GLIS3: variants seen among roughly 807,000 people sequenced by gnomAD.
GLIS3 encodes GLIS family zinc finger 3, also known as zinc finger protein GLIS3.
GLIS3 carries 53 observed loss-of-function variants against 78.6 expected under a neutral mutation model. The ratio of observed to expected loss-of-function variants is 0.67; its 90% CI spans 0.54 to 0.85. GLIS3 has a LOEUF of 0.85. Ranked by LOEUF, GLIS3 falls within the 40% of genes least tolerant of loss-of-function variation. GLIS3 has a pLI of 0.00. For missense variants in GLIS3, 1,703 were observed against 1,231.1 expected, an observed-to-expected ratio of 1.38 and a Z score of -5.74; for synonymous variants, 684 against 509.9, an observed-to-expected ratio of 1.34 and a Z score of -4.60.
At chr9:4,464,188 C>T in the GLIS3 span, among the ~76,000 whole-genome samples, 1 of 151,946 alleles carries the variant, frequency 6.6e-6, no homozygotes, top group African/African-American at 2.4e-5. Context: ...TTTAAAACCT[C>T]TCTAACGTTG....
chr9:4,472,039 A>C, the GLIS3 span, among the ~76,000 whole-genome samples: 13 of 152,380 alleles, frequency 8.5e-5, no homozygotes, highest in African/African-American at 3.1e-4. Context: ...GAGAAATGCA[A>C]ATCAAAACCA....
At chr9:4,328,940 A>G (rs10974470) in intron 2 of GLIS3, among the ~76,000 whole-genome samples, 44,083 of 152,062 alleles carry the variant, frequency 0.29, 7,813 homozygotes, top group African/African-American at 0.51. Flanking sequence ...GTTCCCTAAT[A>G]GTTTCTCATA....
the GLIS3 span, among the ~76,000 whole-genome samples, chr9:4,408,783 A>T: frequency 6.6e-6 from 1 of 151,656 alleles, no homozygotes. Flanking sequence ...ATTTGATGTC[A>T]TAACAGGGGG....
intron 2 of GLIS3, among the ~76,000 whole-genome samples, chr9:4,164,470 C>G (rs1835730473): frequency 6.6e-6 from 1 of 152,170 alleles, no homozygotes; most frequent in Non-Finnish European, 1.5e-5. Context: ...TCCATCCACC[C>G]TCCAGAGAGT....
At chr9:4,440,911 GTTA>G in the GLIS3 span, among the ~76,000 whole-genome samples, 6 of 151,418 alleles carry the variant, frequency 4.0e-5, no homozygotes, top group Non-Finnish European at 8.8e-5. Flanking sequence ...ATTTTTGGTA[GTTA>G]TTATAAATAG....
intron 6 of GLIS3, among the ~76,000 whole-genome samples, chr9:3,900,289 T>A (rs538528587): frequency 6.6e-6 from 1 of 151,964 alleles, no homozygotes; most frequent in African/African-American, 2.4e-5. Context: ...ACTTGCTGAA[T>A]TATCAAAAAC....
intron 4 of GLIS3, among the ~76,000 whole-genome samples, chr9:4,089,765 G>C (rs1829334755): frequency 6.6e-6 from 1 of 152,128 alleles, no homozygotes; most frequent in Non-Finnish European, 1.5e-5. Flanking sequence ...GCTATGGTGA[G>C]CTACGATCAT....
At chr9:4,459,140 T>C in the GLIS3 span, among the ~76,000 whole-genome samples, 1 of 152,190 alleles carries the variant, frequency 6.6e-6, no homozygotes, top group East Asian at 1.9e-4. Flanking sequence ...ACAGGGAGAC[T>C]ATTTAGGAGA....
At chr9:4,021,448 T>C (rs898869713) in intron 4 of GLIS3, among the ~76,000 whole-genome samples, 3 of 152,178 alleles carry the variant, frequency 2.0e-5, no homozygotes, top group African/African-American at 7.2e-5. Flanking sequence ...AGAGACAAGA[T>C]TGTATCCTAT....
At chr9:4,089,366 C>G (rs933211444) in intron 4 of GLIS3, among the ~76,000 whole-genome samples, 1 of 151,550 alleles carries the variant, frequency 6.6e-6, no homozygotes, top group African/African-American at 2.4e-5. Context: ...CCTTTACAAA[C>G]GTTTTAAGAG....
chr9:4,139,921 C>T (rs184978569), intron 2 of GLIS3, among the ~76,000 whole-genome samples: 3 of 152,294 alleles, frequency 2.0e-5, no homozygotes, highest in Admixed American at 2.0e-4. Flanking sequence ...TACAGGTCCA[C>T]GGCCAGGCAG....
the GLIS3 span, among the ~76,000 whole-genome samples, chr9:4,464,550 A>G: frequency 6.6e-6 from 1 of 152,076 alleles, no homozygotes; most frequent in East Asian, 1.9e-4. Flanking sequence ...GCCCACCACA[A>G]CACCAGCATA....
At chr9:4,307,292 T>G (rs1345205658) in intron 4 of GLIS3, among the ~76,000 whole-genome samples, 2 of 152,192 alleles carry the variant, frequency 1.3e-5, no homozygotes, top group Non-Finnish European at 2.9e-5. Context: ...ATGAGATATG[T>G]GATAAACATA....
At chr9:4,140,075 G>A (rs143582599) in intron 2 of GLIS3, among the ~76,000 whole-genome samples, 8 of 152,304 alleles carry the variant, frequency 5.3e-5, no homozygotes, top group African/African-American at 1.7e-4. Flanking sequence ...ATCTTACATA[G>A]TCGTCATAGC....
At chr9:4,260,727 A>G (rs1825443834) in intron 2 of GLIS3, among the ~76,000 whole-genome samples, 1 of 152,094 alleles carries the variant, frequency 6.6e-6, no homozygotes, top group African/African-American at 2.4e-5. Context: ...GCCTGGTGAC[A>G]GAGCAAGACT....
At chr9:4,323,303 G>A (rs1250038437) in intron 2 of GLIS3, among the ~76,000 whole-genome samples, 1 of 152,084 alleles carries the variant, frequency 6.6e-6, no homozygotes, top group African/African-American at 2.4e-5. Context: ...CCAAAGTGCT[G>A]TTTTATCACA....
chr9:3,896,305 C>T (rs926715426), intron 7 of GLIS3, among the ~76,000 whole-genome samples: 1 of 151,982 alleles, frequency 6.6e-6, no homozygotes, highest in Admixed American at 6.6e-5. Flanking sequence ...AAACAAAAGG[C>T]GTAACATTTT....
the GLIS3 span, among the ~76,000 whole-genome samples, chr9:4,486,004 G>A: frequency 6.6e-6 from 1 of 152,168 alleles, no homozygotes; most frequent in Non-Finnish European, 1.5e-5. Context: ...TTACAGGCGT[G>A]AGCCGCCGCA....
the GLIS3 span, among the ~76,000 whole-genome samples, chr9:4,433,368 G>T: frequency 2.6e-5 from 4 of 152,228 alleles, no homozygotes; most frequent in African/African-American, 9.6e-5. Context: ...GAAGGCAAAA[G>T]TTGCAGCAAG....
Sources: gnomAD v4.1 joint callset for allele counts (sites outside exome capture counted in the v4.1 genomes callset) on GRCh38, gnomAD v4.1.1 for gene constraint, MANE v1.5 for transcripts, NCBI Gene and HGNC (gene_info 2026-07-23, HGNC 2026-07-21) for gene names.